Variants in STPG1 observed in about 807,000 individuals in gnomAD.
STPG1 encodes the protein sperm tail PG-rich repeat containing 1, also known as O(6)-methylguanine-induced apoptosis 2.
STPG1 carries 33 observed loss-of-function variants against 40.1 expected under a neutral mutation model. That is an observed-to-expected ratio of 0.82 (90% confidence interval 0.62 to 1.10). The LOEUF (loss-of-function observed/expected upper bound fraction) is 1.10, where lower values mean the gene tolerates loss of function less well. Among genes scored for constraint, STPG1 ranks in the 50% least tolerant of loss-of-function variants. The probability of loss-of-function intolerance (pLI) is 0.00; values close to 1 mark genes in which losing one functional copy is unlikely to be tolerated. For missense variants in STPG1, 396 were observed against 415.1 expected, an observed-to-expected ratio of 0.95 and a Z score of 0.40; for synonymous variants, 150 against 155.0, an observed-to-expected ratio of 0.97 and a Z score of 0.24.
chr1:24,388,620 C>T (rs141353635), intron 3 of STPG1, among the ~76,000 whole-genome samples: 2 of 152,210 alleles, frequency 1.3e-5, no homozygotes, highest in African/African-American at 2.4e-5. Context: ...AGGTGGGCCA[C>T]AGGACTACTG....
chr1:24,369,413 G>A (rs1412736267), intron 7 of STPG1: 1 of 604,186 alleles, frequency 1.7e-6, no homozygotes, highest in Admixed American at 2.2e-5. Flanking sequence ...CTCCTCTATG[G>A]GGTAAGAGTA....
In STPG1 at chr1:24,361,031, T is replaced by G; in HGVS notation, c.748A>C (p.Ile250Leu). ...PKKTLFPKNP[I>L]LNFSAQPSPL... ...GAAGGCTGAGCAGAGAAGTTCAGGA[T>G]GGGGTTTTTCCTTTGGGAAAGATAA... The change falls in exon 8 of 9, where the codon ATC becomes CTC. Residue 250 changes from isoleucine to leucine, a missense_variant. By Grantham distance (5) the Ile-to-Leu change is conservative (BLOSUM62 2). Coordinates refer to ENST00000337248, the MANE Select transcript of STPG1 (RefSeq NM_001199013.2). The G allele has an allele frequency of 3.1e-6, 5 of 1,608,124 alleles. No individual in the cohort carries two copies. The highest frequency in any genetic ancestry group is 4.2e-6 in the Non-Finnish European group (5 of 1,177,246).
intron 6 of STPG1, among the ~76,000 whole-genome samples, chr1:24,370,082 T>C (rs574854941): frequency 2.8e-4 from 43 of 152,122 alleles, no homozygotes; most frequent in Admixed American, 2.7e-3. Context: ...TATTACTGCT[T>C]TCATTCTACA....
chr1:24,404,284 G>C (rs774199788), intron 1 of STPG1, among the ~76,000 whole-genome samples: 28 of 152,076 alleles, frequency 1.8e-4, no homozygotes, highest in Non-Finnish European at 3.8e-4. Flanking sequence ...AATGCTACCT[G>C]GTCATAAGAT....
intron 1 of STPG1, 98 bp from the exon 2 acceptor site, chr1:24,401,554 T>C (rs1643229128): frequency 3.1e-6 from 2 of 643,624 alleles, no homozygotes; most frequent in Admixed American, 4.9e-5. Context: ...TGAGAAATGG[T>C]GTGGGTGCCG....
chr1:24,396,037 A>G (rs1371625286), intron 2 of STPG1, among the ~76,000 whole-genome samples: 3 of 152,154 alleles, frequency 2.0e-5, no homozygotes, highest in Non-Finnish European at 4.4e-5. Flanking sequence ...TAGGGTTTAT[A>G]CCATATGTAC....
chr1:24,397,203 C>A (rs951778094), intron 2 of STPG1, among the ~76,000 whole-genome samples: 1 of 152,072 alleles, frequency 6.6e-6, no homozygotes, highest in African/African-American at 2.4e-5. Flanking sequence ...ACTGATAAAA[C>A]TGCGAGAAAA....
intron 3 of STPG1, among the ~76,000 whole-genome samples, chr1:24,387,826 C>T (rs965573563): frequency 2.6e-5 from 4 of 152,114 alleles, no homozygotes; most frequent in Admixed American, 2.6e-4. Flanking sequence ...TACTGTGGGT[C>T]AGATATGCAG....
intron 1 of STPG1, among the ~76,000 whole-genome samples, chr1:24,413,353 G>T (rs568195237): frequency 3.3e-4 from 51 of 152,372 alleles, no homozygotes; most frequent in African/African-American, 1.2e-3. Context: ...AGGCACTGAA[G>T]CCTCCCAACT....
At chr1:24,390,973 T>C (rs71652324) in intron 3 of STPG1, among the ~76,000 whole-genome samples, 2 of 152,022 alleles carry the variant, frequency 1.3e-5, no homozygotes, top group Non-Finnish European at 2.9e-5. Flanking sequence ...CTAATTTTTG[T>C]ACTTTTTTCT....
At chr1:24,387,367 T>C (rs1642559562) in intron 3 of STPG1, among the ~76,000 whole-genome samples, 1 of 152,014 alleles carries the variant, frequency 6.6e-6, no homozygotes, top group African/African-American at 2.4e-5. Flanking sequence ...TTTGAGGGGT[T>C]TGTGGGGTCT....
intron 6 of STPG1, among the ~76,000 whole-genome samples, chr1:24,370,489 T>TA (rs920708516): frequency 1.5e-4 from 22 of 149,790 alleles, no homozygotes; most frequent in African/African-American, 4.6e-4. Context: ...CCCTGCAAAT[T>TA]AAAAAAAAAA....
Position 24,369,761 on chromosome 1 carries a change from C to A in STPG1, c.650G>T (p.Arg217Leu). 1 of 1,613,168 alleles carries A rather than the reference C, an allele frequency of 6.2e-7. No individual in the cohort carries two copies. The highest frequency in any genetic ancestry group is 8.5e-7 in the Non-Finnish European group (1 of 1,179,290). Residue 217 changes from arginine to leucine, a missense_variant, in exon 7 of 9, where the codon CGT becomes CTT. Transcript: ENST00000337248. ...GCCTGTTGACGTCAGTTTTAATCCA[C>A]GGTTGGTTTTTGATTTAAAACAAGA... is the stretch of plus-strand genomic sequence containing the variant. Reference protein sequence around the residue: ...LMSCFKSKTNRGLKLTSTGPG... With the variant: ...LMSCFKSKTNLGLKLTSTGPG...
At chr1:24,379,619 A>G in intron 5 of STPG1, 34 bp downstream of exon 5, 1 of 1,604,300 alleles carries the variant, frequency 6.2e-7, no homozygotes, top group Middle Eastern at 1.7e-4. Context: ...CATTAATTCG[A>G]TCTGTATTTA....
At chr1:24,405,365 G>A (rs937632416) in intron 1 of STPG1, among the ~76,000 whole-genome samples, 2 of 152,024 alleles carry the variant, frequency 1.3e-5, no homozygotes, top group East Asian at 3.9e-4. Context: ...TTTTCTTTCA[G>A]TTTAAAATAT....
chr1:24,364,398 G>A, intron 7 of STPG1: 1 of 1,514,136 alleles, frequency 6.6e-7, no homozygotes, highest in Non-Finnish European at 8.9e-7. Flanking sequence ...AGAGGTGGAA[G>A]GACGACGGCA....
At chr1:24,370,779 C>CTG (rs1191945336) in intron 6 of STPG1, among the ~76,000 whole-genome samples, 2 of 141,936 alleles carry the variant, frequency 1.4e-5, no homozygotes, top group African/African-American at 5.3e-5. Context: ...GCGTGAGCCA[C>CTG]TGTGCCCAGC....
intron 2 of STPG1, among the ~76,000 whole-genome samples, chr1:24,400,719 C>T (rs1198117905): frequency 1.3e-5 from 2 of 152,192 alleles, no homozygotes; most frequent in African/African-American, 2.4e-5. Flanking sequence ...TCCTAAGCCA[C>T]ACTAACGAAC....
intron 3 of STPG1, among the ~76,000 whole-genome samples, chr1:24,386,951 G>A (rs898641154): frequency 2.6e-5 from 4 of 152,202 alleles, no homozygotes; most frequent in Non-Finnish European, 5.9e-5. Flanking sequence ...AGGATTGAAG[G>A]GGTCAATACA....
Sources: gnomAD v4.1 joint callset for allele counts (sites outside exome capture counted in the v4.1 genomes callset) on GRCh38, gnomAD v4.1.1 for gene constraint, MANE v1.5 for transcripts, NCBI Gene and HGNC (gene_info 2026-07-23, HGNC 2026-07-21) for gene names.